Variants in CPNE4 observed in about 807,000 individuals in gnomAD.
CPNE4 encodes copine-4.
Under a neutral mutation model 67.9 loss-of-function variants are expected in CPNE4, and 25 were observed. The ratio of observed to expected loss-of-function variants is 0.37; its 90% CI spans 0.27 to 0.51. The LOEUF (loss-of-function observed/expected upper bound fraction) is 0.51, where lower values mean the gene tolerates loss of function less well. CPNE4 is among the 20% of genes least tolerant of loss of function. The probability of loss-of-function intolerance (pLI) is 0.93; values close to 1 mark genes in which losing one functional copy is unlikely to be tolerated. For synonymous variants in CPNE4, 242 were observed against 244.9 expected (o/e 0.99, Z 0.11); for missense variants, 464 against 690.8 (o/e 0.67, Z 3.68).
chr3:132,030,144 T>C (rs1436470911), intron 1 of CPNE4, among the ~76,000 whole-genome samples: 1 of 152,218 alleles, frequency 6.6e-6, no homozygotes, highest in Non-Finnish European at 1.5e-5. Context: ...AACTCATACT[T>C]AATAAAGATC....
intron 15 of CPNE4, among the ~76,000 whole-genome samples, chr3:131,541,142 A>G (rs1935458938): frequency 6.6e-6 from 1 of 152,128 alleles, no homozygotes; most frequent in Admixed American, 6.5e-5. Flanking sequence ...ACAAAACAAA[A>G]AACACAAAGG....
At chr3:131,773,506 C>T (rs1010731177) in intron 2 of CPNE4, among the ~76,000 whole-genome samples, 15 of 151,984 alleles carry the variant, frequency 9.9e-5, no homozygotes, top group African/African-American at 3.4e-4. Context: ...TGCCACCATG[C>T]CCGGCTAATT....
intron 11 of CPNE4, among the ~76,000 whole-genome samples, chr3:131,562,887 T>C (rs989731516): frequency 2.0e-5 from 3 of 152,068 alleles, no homozygotes; most frequent in Admixed American, 1.3e-4. Flanking sequence ...AAATAACTAT[T>C]GACTTTTTTC....
At chr3:131,642,439 A>C (rs2079563262) in intron 7 of CPNE4, among the ~76,000 whole-genome samples, 1 of 152,234 alleles carries the variant, frequency 6.6e-6, no homozygotes, top group Non-Finnish European at 1.5e-5. Flanking sequence ...TTGGACCTTG[A>C]AAAGTTATTA....
chr3:132,037,827 G>A (rs575188452), upstream of CPNE4: 4 of 533,908 alleles, frequency 7.5e-6, no homozygotes, highest in African/African-American at 7.6e-5. Context: ...CAAAAGGGAA[G>A]AAATGTGGAT....
intron 1 of CPNE4, among the ~76,000 whole-genome samples, chr3:132,025,459 G>T (rs2074097652): frequency 6.6e-6 from 1 of 152,188 alleles, no homozygotes; most frequent in African/African-American, 2.4e-5. Flanking sequence ...TTGTGAGTAG[G>T]AACAGAGAGA....
Position 131,962,034 on chromosome 3 carries a change from C to A in CPNE4, c.-1-56590G>T, listed in dbSNP as rs116823797. Among the ~76,000 whole-genome samples the A allele has an allele frequency of 4.4e-3, 665 of 152,218 alleles. 4 individuals are homozygous for A. The highest frequency in any genetic ancestry group is 0.016 in the African/African-American group (644 of 41,508). The stretch of plus-strand genomic sequence containing the variant: ...TTCACCTAGCCAACATTTTTGAGTG[C>A]CTAAAAAAGTACTAGATTGTTTGAA... On this transcript the variant is annotated intron_variant, in intron 1 of 15. Transcript: ENST00000429747.
chr3:131,987,255 T>C (rs370779767), intron 1 of CPNE4, among the ~76,000 whole-genome samples: 2 of 152,126 alleles, frequency 1.3e-5, no homozygotes, highest in East Asian at 1.9e-4. Flanking sequence ...TGGGAGAGTA[T>C]TGACTGAAAA....
chr3:131,826,503 G>A (rs1189572879), intron 2 of CPNE4, among the ~76,000 whole-genome samples: 1 of 152,170 alleles, frequency 6.6e-6, no homozygotes, highest in East Asian at 1.9e-4. Context: ...TGACCAGGAT[G>A]TCTTTTTCTT....
intron 1 of CPNE4, among the ~76,000 whole-genome samples, chr3:131,973,472 GC>G (rs1388626250): frequency 6.6e-6 from 1 of 152,138 alleles, no homozygotes; most frequent in African/African-American, 2.4e-5. Context: ...GATTCTAAGT[GC>G]CTTACATATA....
chr3:131,912,058 T>C (rs2107790642), intron 1 of CPNE4, among the ~76,000 whole-genome samples: 1 of 152,088 alleles, frequency 6.6e-6, no homozygotes, highest in Middle Eastern at 3.4e-3. Context: ...CAACACATTC[T>C]CCATGGCTGA....
chr3:131,996,742 G>T (rs1560756069), intron 1 of CPNE4, among the ~76,000 whole-genome samples: 1 of 152,084 alleles, frequency 6.6e-6, no homozygotes, highest in Non-Finnish European at 1.5e-5. Flanking sequence ...CATTGTCATA[G>T]TTCTGTACGG....
rs533730352 is a variant in CPNE4 at position 131,974,015 on chromosome 3, C to T, written c.-2+60552G>A. On this transcript the variant is annotated intron_variant, in intron 1 of 15. Transcript: ENST00000429747. ...CAGTTTCTTTGAATCACCATGGCAA[C>T]GAGAGTCAATAGAGATACCTCCATG... 4.6e-5 allele frequency among the ~76,000 whole-genome samples: 7 copies of T among 152,198 alleles called. No individual in the cohort carries two copies. In the East Asian group the frequency reaches 7.7e-4, roughly 17 times the overall value.
chr3:131,575,177 T>C (rs989739046), intron 9 of CPNE4, 47 bp from the exon 10 acceptor site: 7 of 1,522,158 alleles, frequency 4.6e-6, no homozygotes, highest in South Asian at 4.5e-5. Flanking sequence ...GCACAGTCTA[T>C]TTCCTGATAT....
chr3:131,984,396 CAGAA>C (rs2072991783), intron 1 of CPNE4, among the ~76,000 whole-genome samples: 2 of 152,288 alleles, frequency 1.3e-5, no homozygotes, highest in South Asian at 2.1e-4. Context: ...CTTGTGCATA[CAGAA>C]AGAAATACAC....
chr3:131,927,692 A>G (rs2070937292), intron 1 of CPNE4, among the ~76,000 whole-genome samples: 2 of 152,186 alleles, frequency 1.3e-5, no homozygotes, highest in African/African-American at 4.8e-5. Context: ...ACAATTATCC[A>G]AATACATTCA....
intron 1 of CPNE4, among the ~76,000 whole-genome samples, chr3:131,954,441 A>G (rs184249626): frequency 3.3e-4 from 50 of 152,330 alleles, no homozygotes; most frequent in Non-Finnish European, 4.9e-4. Flanking sequence ...ATTCAGCCAG[A>G]GAGGAAAAAA....
At position 131,882,723 on chromosome 3, in the gene CPNE4, A is replaced by ATTTT. The variant is rs534737633; in HGVS notation, c.180+22537_180+22540dup. On this transcript the variant is annotated intron_variant, in intron 2 of 15. Coordinates refer to ENST00000429747, the MANE Select transcript of CPNE4 (RefSeq NM_130808.3). ...ACAAAAGTAATTGCAGTTCTGCTCTATTTTTTTTTTTTTTTTGAGACGGAG... is the reference window on the plus strand; with the variant it reads ...ACAAAAGTAATTGCAGTTCTGCTCTATTTTTTTTTTTTTTTTTTTTGAGACGGAG... Among the ~76,000 whole-genome samples the ATTTT allele has an allele frequency of 2.9e-3, 400 of 136,168 alleles. 9 individuals are homozygous for ATTTT. Among genetic ancestry groups the ATTTT allele is most frequent in the African/African-American group, 6.9e-3 (259 of 37,326 alleles). 89.3% of individuals were successfully genotyped at this position (136,168 alleles called of 152,430 possible). A position where few individuals can be genotyped will look rare whatever the true frequency, so the allele number is the denominator to read the frequency against.
intron 2 of CPNE4, among the ~76,000 whole-genome samples, chr3:131,897,854 T>C (rs892863508): frequency 1.3e-5 from 2 of 151,620 alleles, no homozygotes; most frequent in African/African-American, 4.9e-5. Flanking sequence ...ATTGCACCAC[T>C]GCACTCCAAC....
Sources: allele counts gnomAD v4.1 joint callset (sites outside exome capture counted in the v4.1 genomes callset), GRCh38; gene constraint gnomAD v4.1.1; transcripts MANE v1.5; gene names NCBI Gene and HGNC (gene_info 2026-07-23, HGNC 2026-07-21).